Variants in WFS1 observed in about 807,000 individuals in gnomAD.
WFS1 encodes wolframin ER transmembrane glycoprotein.
A neutral mutation model predicts 68.5 loss-of-function variants in WFS1; 90 were observed. The ratio of observed to expected loss-of-function variants is 1.31; its 90% CI spans 1.11 to 1.56. The LOEUF is 1.56. Among genes scored for constraint, WFS1 ranks in the 40% most tolerant of loss-of-function variants. The pLI is 0.00. For missense variants in WFS1, 1,767 were observed against 1,232.6 expected (o/e 1.43, Z -6.49); for synonymous variants, 860 against 540.7 (o/e 1.59, Z -8.19).
chr4:6,284,391 AAGAG>A (rs1029148998), intron 2 of WFS1, among the ~76,000 whole-genome samples: 2 of 152,114 alleles, frequency 1.3e-5, no homozygotes, highest in African/African-American at 2.4e-5. Flanking sequence ...AATAATAAAA[AAGAG>A]AGAGAGATTC....
At position 6,289,005 on chromosome 4, in the gene WFS1, C is replaced by T. The variant is rs1227615312; in HGVS notation, c.334C>T (p.Gln112Ter). 1.9e-6 allele frequency: 3 copies of T among 1,608,684 alleles called. No homozygotes were observed. In the South Asian group the frequency reaches 3.3e-5, roughly 18 times the overall value. ...AQTEVGKHYLQLAGDTDEELN... is the reference protein window; with the variant it reads ...AQTEVGKHYL ...CTTGCAGGTGGGGAAGCACTACCTG[C>T]AGTTGGCCGGCGACACGGATGAAGA... The change falls in exon 4 of 8, where the codon CAG becomes TAG. Residue 112 changes from glutamine (Q) to a stop codon, truncating the protein, a stop_gained. Transcript: ENST00000226760. LOFTEE classifies it high-confidence loss of function.
chr4:6,292,777 G>A (rs1730502820), intron 6 of WFS1, among the ~76,000 whole-genome samples: 1 of 152,132 alleles, frequency 6.6e-6, no homozygotes, highest in Non-Finnish European at 1.5e-5. Flanking sequence ...TTTTCTTTCT[G>A]GGTGTCAGTT....
At position 6,302,662 on chromosome 4, in the gene WFS1, T is replaced by G; in HGVS notation, c.*194T>G. The G allele has an allele frequency of 1.3e-6, 1 of 755,800 alleles. No homozygotes were observed. The highest frequency in any genetic ancestry group is 1.8e-5 in the South Asian group (1 of 54,408). 46.8% of individuals were successfully genotyped at this position (755,800 alleles called of 1,614,324 possible). On this transcript the variant is annotated 3_prime_UTR_variant, in exon 8 of 8. Coordinates refer to ENST00000226760, the MANE Select transcript of WFS1 (RefSeq NM_006005.3). ...GGCTGCTGTGTAGCTCTGTCCACTC[T>G]GAATACCAAGTGTGTTGGGAATTGC...
At position 6,300,690 on chromosome 4, in the gene WFS1, A is replaced by G. The variant is rs750946479; in HGVS notation, c.895A>G (p.Ile299Val). 4 of 1,613,862 alleles carry G rather than the reference A, an allele frequency of 2.5e-6. No homozygotes were observed. In the Admixed American group the frequency reaches 5.0e-5, roughly 20 times the overall value. Residue 299 changes from isoleucine to valine, a missense_variant, in exon 8 of 8, where the codon ATC becomes GTC. Coordinates refer to ENST00000226760, the MANE Select transcript of WFS1 (RefSeq NM_006005.3). ...VKYPLHAIME[I>V]KEYLIDMASR... ...GTACCCCCTGCACGCCATCATGGAGATCAAGGAGTACCTGATTGACATGGC... is the reference window on the plus strand; with the variant it reads ...GTACCCCCTGCACGCCATCATGGAGGTCAAGGAGTACCTGATTGACATGGC...
rs1731012726 is a variant in WFS1, at chr4:6,302,859, C to T, written c.*391C>T. ...TTTTGTGTTGGATTTGTTTAAAAACCAAATAAGCATCTGTGTAACCTCCAC... is the reference window on the plus strand; with the variant it reads ...TTTTGTGTTGGATTTGTTTAAAAACTAAATAAGCATCTGTGTAACCTCCAC... On this transcript the variant is annotated 3_prime_UTR_variant, in exon 8 of 8. Coordinates refer to ENST00000226760, the MANE Select transcript of WFS1 (RefSeq NM_006005.3). 1 of 303,518 alleles carries T rather than the reference C, an allele frequency of 3.3e-6. No individual in the cohort carries two copies. Among genetic ancestry groups the T allele is most frequent in the Non-Finnish European group, 6.2e-6 (1 of 161,166 alleles). The allele number at this position is 303,518 out of a possible 1,614,324, so 18.8% of individuals were successfully genotyped here.
Position 6,289,035 on chromosome 4 carries a change from A to C in WFS1, c.364A>C (p.Asn122His). ...GGCCGGCGACACGGATGAAGAACTC[A>C]ACAGCTGCACCGCTGTGGACTGGCT... ...QLAGDTDEEL[N>H]SCTAVDWLVL... The change falls in exon 4 of 8, where the codon AAC becomes CAC. Residue 122 changes from asparagine (N) to histidine (H), a missense_variant. Coordinates refer to ENST00000226760, the MANE Select transcript of WFS1 (RefSeq NM_006005.3). The C allele has an allele frequency of 6.2e-7, 1 of 1,607,120 alleles. No individual in the cohort carries two copies. The highest frequency in any genetic ancestry group is 8.5e-7 in the Non-Finnish European group (1 of 1,177,228).
chr4:6,295,084 G>A lies in WFS1; in HGVS notation c.756G>A (p.Lys252=). Residue 252 remains lysine (K), a synonymous_variant, in exon 7 of 8, where the codon AAG becomes AAA. Transcript: ENST00000226760. ...TGGATGACTTTGTGGAGATCACTAA[G>A]AAGTACGCCAAGGGCGTCATCCCCA... ...IALDDFVEIT[K]KYAKGVIPSS... is the part of the protein sequence containing the mutation. 6.2e-7 allele frequency: 1 copy of A among 1,613,598 alleles called. No homozygotes were observed. Among genetic ancestry groups the A allele is most frequent in the Non-Finnish European group, 8.5e-7 (1 of 1,180,032 alleles).
In WFS1 at chr4:6,301,932, G is replaced by GACAACAGCGCCGAGTCTGCCATCA. The variant is rs771936108; in HGVS notation, c.2141_2164dup (p.Asn714_Asn721dup). Reference sequence around the variant, plus strand: ...CAAGTACGTCCGCGTGACTGACATCGACAACAGCGCCGAGTCTGCCATCAA... The same window carrying GACAACAGCGCCGAGTCTGCCATCA: ...CAAGTACGTCCGCGTGACTGACATCGACAACAGCGCCGAGTCTGCCATCAACAACAGCGCCGAGTCTGCCATCAA... On this transcript the variant is annotated inframe_insertion, in exon 8 of 8. Coordinates refer to ENST00000226760, the MANE Select transcript of WFS1 (RefSeq NM_006005.3). The GACAACAGCGCCGAGTCTGCCATCA allele has an allele frequency of 1.9e-6, 3 of 1,612,874 alleles. No individual in the cohort carries two copies. The highest frequency in any genetic ancestry group is 3.3e-5 in the Admixed American group (2 of 60,008).
At chr4:6,284,311 T>G (rs1416874114) in intron 2 of WFS1, among the ~76,000 whole-genome samples, 3 of 152,086 alleles carry the variant, frequency 2.0e-5, no homozygotes, top group African/African-American at 4.8e-5. Context: ...AGGCAGAGGT[T>G]GTGGCGAGCC....
chr4:6,290,477 T>A (rs1730430434), intron 4 of WFS1, among the ~76,000 whole-genome samples: 1 of 152,226 alleles, frequency 6.6e-6, no homozygotes, highest in Non-Finnish European at 1.5e-5. Context: ...AGGAGGCCGG[T>A]TGGCCCCGTG....
At chr4:6,289,208 A>AAATCTTACCAAAC in intron 4 of WFS1, 77 bp downstream of exon 4, 1 of 1,501,750 alleles carries the variant, frequency 6.7e-7, no homozygotes, top group Admixed American at 2.0e-5. Flanking sequence ...TGAACAACTA[A>AAATCTTACCAAAC]AATCTTACCA....
Position 6,291,947 on chromosome 4 carries a change from A to G in WFS1, c.662A>G (p.Lys221Arg), listed in dbSNP as rs780940994. The part of the protein sequence containing the change: ...DGGAQPGPVP[K>R]SLQKQRRMLE... ...GGGGCGCAGCCAGGCCCCGTGCCCA[A>G]GTCCCTGCAGAAGCAGAGGCGCATG... Residue 221 changes from lysine (K) to arginine (R), a missense_variant, in exon 6 of 8, where the codon AAG (lysine) becomes AGG (arginine). Lys to Arg is a conservative substitution (Grantham distance 26). Coordinates refer to ENST00000226760, the MANE Select transcript of WFS1 (RefSeq NM_006005.3). 1.3e-5 allele frequency: 21 copies of G among 1,611,378 alleles called. No homozygotes were observed. The highest frequency in any genetic ancestry group is 1.7e-4 in the Middle Eastern group (1 of 6,042).
rs1443140496 is a variant in WFS1, at chr4:6,287,718, T to G, written c.315+543T>G. ...TAGACAAGACACAGAAATACAGTGA[T>G]TTTGAATTCTGGTGAGGGGAGAAGC... On this transcript the variant is annotated intron_variant, in intron 3 of 7. Coordinates refer to ENST00000226760, the MANE Select transcript of WFS1 (RefSeq NM_006005.3). The surrounding 1 kb of genome is among the most constrained non-coding windows in gnomAD (Gnocchi z 6.4). 6.6e-6 allele frequency among the ~76,000 whole-genome samples: 1 copy of G among 152,002 alleles called. No individual in the cohort carries two copies. Among genetic ancestry groups the G allele is most frequent in the Non-Finnish European group, 1.5e-5 (1 of 68,004 alleles).
Position 6,300,874 on chromosome 4 carries a change from G to C in WFS1, c.1079G>C (p.Cys360Ser). 3 of 1,614,076 alleles carry C rather than the reference G, an allele frequency of 1.9e-6. No homozygotes were observed. The highest frequency in any genetic ancestry group is 1.7e-6 in the Non-Finnish European group (2 of 1,180,014). ...CTGTCCTTCATCTCCATGGTGATCT[G>C]CACCCTCAAGGTGTTCCAGGACAGC... ...FYLSFISMVI[C>S]TLKVFQDSKA... Residue 360 changes from cysteine (C) to serine (S), a missense_variant, in exon 8 of 8, where the codon TGC becomes TCC. Physicochemically the swap from Cys to Ser is moderately radical, Grantham distance 112. Coordinates refer to ENST00000226760, the MANE Select transcript of WFS1 (RefSeq NM_006005.3).
intron 7 of WFS1, among the ~76,000 whole-genome samples, chr4:6,296,024 A>T (rs1004113676): frequency 6.6e-6 from 1 of 152,252 alleles, no homozygotes; most frequent in Non-Finnish European, 1.5e-5. Flanking sequence ...GGGCAGTATC[A>T]TGCAGGCACC....
chr4:6,301,559 G>A lies in WFS1; in HGVS notation c.1764G>A (p.Trp588Ter), dbSNP rs763559442. The A allele has an allele frequency of 1.2e-6, 2 of 1,614,012 alleles. No homozygotes were observed. The highest frequency in any genetic ancestry group is 1.1e-5 in the South Asian group (1 of 91,092). ...ALVGVLQFAR[W>*]FTSLELTKIA... ...TGGGCGTGCTGCAGTTCGCCCGGTGGTTCACGTCTCTGGAGCTCACCAAGA... is the reference window on the plus strand; with the variant it reads ...TGGGCGTGCTGCAGTTCGCCCGGTGATTCACGTCTCTGGAGCTCACCAAGA... The change falls in exon 8 of 8, where the codon TGG becomes TGA. Residue 588 changes from tryptophan to a stop codon, truncating the protein, a stop_gained. Coordinates refer to ENST00000226760, the MANE Select transcript of WFS1 (RefSeq NM_006005.3). LOFTEE classifies it high-confidence loss of function.
At chr4:6,272,216 C>T (rs1052621717) in intron 1 of WFS1, among the ~76,000 whole-genome samples, 1 of 152,220 alleles carries the variant, frequency 6.6e-6, no homozygotes, top group African/African-American at 2.4e-5. Flanking sequence ...GACAAGACTT[C>T]TCTAGGGCAG....
rs116075862 is a variant in WFS1 at position 6,297,477 on chromosome 4, C to T, written c.861+2288C>T. 2.4e-3 allele frequency among the ~76,000 whole-genome samples: 370 copies of T among 152,334 alleles called. 3 individuals are homozygous for T. The highest frequency in any genetic ancestry group is 7.5e-3 in the African/African-American group (313 of 41,578). ...AAGCTGTCATCGTAGATAGAATCCT[C>T]TGAAAACAAACTTAATATCTTAAAA... On this transcript the variant is annotated intron_variant, in intron 7 of 7. Coordinates refer to ENST00000226760, the MANE Select transcript of WFS1 (RefSeq NM_006005.3).
At chr4:6,285,175 A>ATCCAGGGAGAGTTACG (rs58550444) in intron 2 of WFS1, among the ~76,000 whole-genome samples, 101,270 of 141,964 alleles carry the variant, frequency 0.71, 35,881 homozygotes, top group East Asian at 0.93. Context: ...GGAGAGTTAC[A>ATCCAGGGAGAGTTACG]TCCAGGGAGA....
Sources: allele counts gnomAD v4.1 joint callset (sites outside exome capture counted in the v4.1 genomes callset), GRCh38; gene constraint gnomAD v4.1.1; non-coding constraint Gnocchi (gnomAD v3.1); transcripts MANE v1.5; gene names NCBI Gene and HGNC (gene_info 2026-07-23, HGNC 2026-07-21).